SCOC: variants seen among roughly 807,000 people sequenced by gnomAD.
SCOC encodes short coiled-coil protein, also known as short coiled coil protein.
SCOC carries 7 observed loss-of-function variants against 9.9 expected under a neutral mutation model. The ratio of observed to expected loss-of-function variants is 0.71; its 90% CI spans 0.40 to 1.33. The LOEUF is 1.33. Among genes scored for constraint, SCOC ranks in the 40% most tolerant of loss-of-function variants. The pLI, the probability that SCOC is intolerant of heterozygous loss-of-function variation, is 0.01. For synonymous variants in SCOC, 19 were observed against 28.2 expected, an observed-to-expected ratio of 0.67 and a Z score of 1.03; for missense variants, 66 against 89.7, an observed-to-expected ratio of 0.74 and a Z score of 1.07.
In SCOC at chr4:140,384,135, C is replaced by G. The variant is rs1414566030; in HGVS notation, c.*3031C>G. The G allele has an allele frequency of 1.3e-5, 2 of 152,170 alleles. No individual in the cohort carries two copies. The highest frequency in any genetic ancestry group is 2.9e-5 in the Non-Finnish European group (2 of 68,034). The allele number at this position is 152,170 out of a possible 1,614,324, so 9.4% of individuals were successfully genotyped here. On this transcript the variant is annotated 3_prime_UTR_variant, in exon 4 of 4. Transcript: ENST00000608372. ...CCCTTCTATCTTTGCTTGAAAATGT[C>G]AATTTTTTTGATACCTTGCTGAAAG...
At chr4:140,351,455 T>C (rs1249833621) in intron 2 of SCOC, among the ~76,000 whole-genome samples, 2 of 152,160 alleles carry the variant, frequency 1.3e-5, no homozygotes, top group Non-Finnish European at 2.9e-5. Context: ...CTCTCCTTTA[T>C]GCCTCAGCCT....
At chr4:140,372,747 C>T (rs1035991112), upstream of SCOC, among the ~76,000 whole-genome samples, 3 of 152,180 alleles carry the variant, frequency 2.0e-5, no homozygotes, top group Non-Finnish European at 2.9e-5. Context: ...GTCTCTACAG[C>T]TTAGGAGGCT....
chr4:140,272,057 CTT>C lies in SCOC; in HGVS notation c.-19+14663_-19+14664del, dbSNP rs11325260. Among the ~76,000 whole-genome samples the C allele has an allele frequency of 3.7e-3, 495 of 133,676 alleles. 4 individuals carry two copies. Among genetic ancestry groups the C allele is most frequent in the Middle Eastern group, 0.011 (3 of 262 alleles). 87.7% of individuals were successfully genotyped at this position (133,676 alleles called of 152,430 possible). On this transcript the variant is annotated intron_variant, in intron 1 of 4. Transcript: ENST00000394205. Reference sequence around the variant, plus strand: ...GCGGGAGTCACACTCTCTATCATCACTTTTTTTTTTTTTTTTTGAGACAGGGT... The same window carrying C: ...GCGGGAGTCACACTCTCTATCATCACTTTTTTTTTTTTTTTGAGACAGGGT...
At chr4:140,297,193 G>A (rs1161472569) in intron 1 of SCOC, among the ~76,000 whole-genome samples, 1 of 151,914 alleles carries the variant, frequency 6.6e-6, no homozygotes, top group Non-Finnish European at 1.5e-5. Flanking sequence ...TGGGCTTCAT[G>A]AATTTGCTGC....
intron 2 of SCOC, among the ~76,000 whole-genome samples, chr4:140,348,866 C>T (rs767531672): frequency 2.6e-5 from 4 of 152,150 alleles, no homozygotes; most frequent in African/African-American, 7.2e-5. Flanking sequence ...ACATCCTGGC[C>T]AACTCTTATC....
rs905118769 is a variant in SCOC, at chr4:140,384,540, TTAG to T, written c.*3441_*3443del. The T allele has an allele frequency of 3.3e-5, 5 of 152,280 alleles. No homozygotes were observed. Among genetic ancestry groups the T allele is most frequent in the Admixed American group, 6.5e-5 (1 of 15,288 alleles). 9.4% of individuals were successfully genotyped at this position (152,280 alleles called of 1,614,324 possible). On this transcript the variant is annotated 3_prime_UTR_variant, in exon 4 of 4. Coordinates refer to ENST00000608372, the MANE Select transcript of SCOC (RefSeq NM_001153484.2). ...ATCACCCTACTCTTGATGTCTCCAG[TTAG>T]TAGTTTTCCATCCACTGACCTCATC...
chr4:140,309,041 G>C (rs989499036), intron 1 of SCOC, among the ~76,000 whole-genome samples: 7 of 152,176 alleles, frequency 4.6e-5, no homozygotes, highest in Admixed American at 6.5e-5. Flanking sequence ...GATGGCCAGG[G>C]CCCTGGGGTA....
chr4:140,345,712 T>C (rs1200222623), intron 2 of SCOC, among the ~76,000 whole-genome samples: 1 of 152,188 alleles, frequency 6.6e-6, no homozygotes, highest in Non-Finnish European at 1.5e-5. Context: ...AATATACATA[T>C]ATGCATACAT....
chr4:140,272,638 T>A (rs1362358256), intron 1 of SCOC, among the ~76,000 whole-genome samples: 1 of 152,210 alleles, frequency 6.6e-6, no homozygotes, highest in African/African-American at 2.4e-5. Context: ...AGGCACTTAG[T>A]AGCTCTTTGT....
chr4:140,332,072 TATC>T (rs1189043214), intron 1 of SCOC, among the ~76,000 whole-genome samples: 1 of 152,112 alleles, frequency 6.6e-6, no homozygotes, highest in Admixed American at 6.5e-5. Flanking sequence ...TGAAAACTCT[TATC>T]ATGTGAACAG....
intron 2 of SCOC, among the ~76,000 whole-genome samples, chr4:140,364,884 C>T (rs944197703): frequency 3.9e-5 from 6 of 152,062 alleles, no homozygotes; most frequent in African/African-American, 1.2e-4. Context: ...GTCTTTAATT[C>T]AGCTTCTAGA....
In SCOC at chr4:140,373,704, G is replaced by C. The variant is rs183379470; in HGVS notation, c.-64G>C. 2 of 1,548,362 alleles carry C rather than the reference G, an allele frequency of 1.3e-6. No individual in the cohort carries two copies. Among genetic ancestry groups the C allele is most frequent in the East Asian group, 2.4e-5 (1 of 40,884 alleles). ...CGGCCGGATCCCTCCTTCTCCCGGC[G>C]CCTCAAGCGGAAGGTGAGGGCCGTC... is the stretch of plus-strand genomic sequence containing the variant. On this transcript the variant is annotated 5_prime_UTR_variant, in exon 1 of 4. Transcript: ENST00000608372.
upstream of SCOC, chr4:140,369,344 C>T (rs1560725550): frequency 2.5e-6 from 1 of 394,810 alleles, no homozygotes; most frequent in South Asian, 1.8e-5. Context: ...CCAATGAATT[C>T]AATAACCTTT....
chr4:140,310,382 G>A (rs1318957398), intron 1 of SCOC, among the ~76,000 whole-genome samples: 1 of 152,210 alleles, frequency 6.6e-6, no homozygotes, highest in African/African-American at 2.4e-5. Context: ...CGTTATGGGT[G>A]CATTACCAGC....
At chr4:140,366,914 ATTAG>A in intron 2 of SCOC, 1 of 618,092 alleles carries the variant, frequency 1.6e-6, no homozygotes, top group South Asian at 1.8e-5. Context: ...TTTATAAAAT[ATTAG>A]TTATTGACCA....
chr4:140,267,359 TA>T, intron 1 of SCOC, among the ~76,000 whole-genome samples: 1 of 152,254 alleles, frequency 6.6e-6, no homozygotes, highest in African/African-American at 2.4e-5. Flanking sequence ...GAACGTGAGC[TA>T]GGGGTGGATG....
At position 140,332,911 on chromosome 4, in the gene SCOC, TAC is replaced by T. The variant is rs1475816244; in HGVS notation, c.-18-10708_-18-10707del. On this transcript the variant is annotated intron_variant, in intron 1 of 4. Transcript: ENST00000394205. ...TTTAACCAGTGTCTATTTTCTTCAC[TAC>T]AGTCAGAGTCATCCTGCTATAACCA... Among the ~76,000 whole-genome samples, 4 of 152,238 alleles carry T rather than the reference TAC, an allele frequency of 2.6e-5. No individual in the cohort carries two copies. The East Asian group carries it at 7.7e-4, about 29-fold the overall frequency.
upstream of SCOC, among the ~76,000 whole-genome samples, chr4:140,371,920 A>C (rs1395362157): frequency 6.6e-6 from 1 of 152,270 alleles, no homozygotes; most frequent in South Asian, 2.1e-4. Context: ...TAAATGATAT[A>C]TAGAACTATT....
At chr4:140,345,730 C>A (rs550011186) in intron 2 of SCOC, among the ~76,000 whole-genome samples, 1 of 152,024 alleles carries the variant, frequency 6.6e-6, no homozygotes, top group African/African-American at 2.4e-5. Flanking sequence ...CATATGTGTA[C>A]ACATACATGT....
Sources: gnomAD v4.1 joint callset for allele counts (sites outside exome capture counted in the v4.1 genomes callset) on GRCh38, gnomAD v4.1.1 for gene constraint, MANE v1.5 for transcripts, NCBI Gene and HGNC (gene_info 2026-07-23, HGNC 2026-07-21) for gene names.